Variants in VPS13C observed in about 807,000 individuals in gnomAD.
VPS13C encodes intermembrane lipid transfer protein VPS13C.
A neutral mutation model predicts 456.8 loss-of-function variants in VPS13C; 358 were observed. The observed-to-expected ratio is 0.78, with a 90% CI of 0.72 to 0.86. The LOEUF (loss-of-function observed/expected upper bound fraction) is 0.86, where lower values mean the gene tolerates loss of function less well. VPS13C is among the 40% of genes least tolerant of loss of function. The pLI, the probability that VPS13C is intolerant of heterozygous loss-of-function variation, is 0.00. For missense variants in VPS13C, 4,818 were observed against 4,385.4 expected (o/e 1.10, Z -2.79); for synonymous variants, 1,578 against 1,486.7 (o/e 1.06, Z -1.41).
intron 37 of VPS13C, among the ~76,000 whole-genome samples, chr15:61,955,220 T>C (rs1457309439): frequency 6.6e-6 from 1 of 152,142 alleles, no homozygotes; most frequent in Admixed American, 6.6e-5. Flanking sequence ...TGTTCTAAGG[T>C]CTGTATATGG....
At chr15:61,991,888 CTT>C (rs201011173) in intron 16 of VPS13C, 86 bp from the exon 17 acceptor site, 11,530 of 1,043,990 alleles carry the variant, frequency 0.011, 2 homozygotes, top group East Asian at 0.029. Context: ...AACAATGGTT[CTT>C]TTTTTTTTTT....
At chr15:61,912,720 C>T (rs1473713234) in intron 62 of VPS13C, among the ~76,000 whole-genome samples, 2 of 151,126 alleles carry the variant, frequency 1.3e-5, no homozygotes, top group East Asian at 3.9e-4. Flanking sequence ...TATACATGTA[C>T]CATGCTGGTG....
intron 35 of VPS13C, among the ~76,000 whole-genome samples, chr15:61,960,293 A>G (rs2045151391): frequency 6.6e-6 from 1 of 152,192 alleles, no homozygotes; most frequent in Non-Finnish European, 1.5e-5. Flanking sequence ...ATAAAAAGAC[A>G]AAGAAAAGCT....
At chr15:61,918,292 G>T in intron 58 of VPS13C, 35 bp from the exon 59 acceptor site, 1 of 1,492,216 alleles carries the variant, frequency 6.7e-7, no homozygotes, top group Non-Finnish European at 8.9e-7. Flanking sequence ...TTTTTTAAAA[G>T]ATATGTAAGT....
rs1351867509 is a variant in VPS13C at position 61,940,695 on chromosome 15, A to G, written c.5553T>C (p.Tyr1851=). ...SIQRNLAAAW[Y]VQIPGMEIKG... The stretch of plus-strand genomic sequence containing the variant: ...TTATCTCCATCCCTGGAATTTGCAC[A>G]TACCATGCTGCTGCTAAGTTTCGCT... The change falls in exon 47 of 85, where the codon TAT becomes TAC. Residue 1851 remains tyrosine, a synonymous_variant. Transcript: ENST00000644861. 4 of 1,613,678 alleles carry G rather than the reference A, an allele frequency of 2.5e-6. No homozygotes were observed. Among genetic ancestry groups the G allele is most frequent in the South Asian group, 1.1e-5 (1 of 90,992 alleles).
intron 31 of VPS13C, 127 bp downstream of exon 31, chr15:61,964,572 A>T: frequency 2.2e-6 from 2 of 895,666 alleles, no homozygotes; most frequent in Non-Finnish European, 3.3e-6. Context: ...GCTCGCATAT[A>T]ATTTAATTTG....
intron 25 of VPS13C, 41 bp from the exon 26 acceptor site, chr15:61,973,573 T>C (rs1385228949): frequency 2.7e-6 from 4 of 1,466,120 alleles, no homozygotes; most frequent in Admixed American, 1.7e-5. Flanking sequence ...AAGGATGACT[T>C]AGCAGGATTA....
At chr15:61,978,282 T>C (rs76504337) in intron 23 of VPS13C, among the ~76,000 whole-genome samples, 1,682 of 152,110 alleles carry the variant, frequency 0.011, 41 homozygotes, top group African/African-American at 0.039. Context: ...AAAATAATAT[T>C]GAGTCATCCC....
rs1230700691 is a variant in VPS13C at position 62,006,712 on chromosome 15, A to G, written c.1290+596T>C. On this transcript the variant is annotated intron_variant, in intron 15 of 84. Coordinates refer to ENST00000644861, the MANE Select transcript of VPS13C (RefSeq NM_020821.3). ...TCCACAATGGTTGAACTAGTTTACA[A>G]TCCCACCAACAGTGTAAAAGTGTTC... 1.5e-4 allele frequency among the ~76,000 whole-genome samples: 23 copies of G among 152,100 alleles called. No homozygotes were observed. The South Asian group carries it at 2.5e-3, about 17-fold the overall frequency.
chr15:61,911,690 AT>A, intron 63 of VPS13C, 149 bp downstream of exon 63: 3 of 807,010 alleles, frequency 3.7e-6, no homozygotes, highest in Non-Finnish European at 3.5e-6. Context: ...TTTTTTAAAA[AT>A]ATAGTAAGAG....
chr15:62,053,583 T>G (rs1230202338), intron 1 of VPS13C, among the ~76,000 whole-genome samples: 1 of 152,220 alleles, frequency 6.6e-6, no homozygotes, highest in South Asian at 2.1e-4. Flanking sequence ...ACGTTGTTCT[T>G]GCCTTGCTCA....
At chr15:61,999,011 T>A (rs1379955969) in intron 16 of VPS13C, among the ~76,000 whole-genome samples, 1 of 152,250 alleles carries the variant, frequency 6.6e-6, no homozygotes, top group Non-Finnish European at 1.5e-5. Context: ...TAAAAATATG[T>A]GTTAATCAAC....
At chr15:62,027,161 A>C (rs2047667806) in intron 6 of VPS13C, among the ~76,000 whole-genome samples, 1 of 152,078 alleles carries the variant, frequency 6.6e-6, no homozygotes, top group Non-Finnish European at 1.5e-5. Context: ...AGCTGAATGA[A>C]GATATCATCA....
At chr15:61,971,685 C>T (rs2045561579) in intron 27 of VPS13C, among the ~76,000 whole-genome samples, 1 of 152,134 alleles carries the variant, frequency 6.6e-6, no homozygotes, top group Non-Finnish European at 1.5e-5. Context: ...TTAGACAGTA[C>T]AGTAGCAGCA....
intron 18 of VPS13C, 113 bp downstream of exon 18, chr15:61,990,887 G>A: frequency 1.5e-6 from 1 of 682,602 alleles, no homozygotes; most frequent in Non-Finnish European, 2.5e-6. Context: ...CCATTAAGTA[G>A]CAGAGTGGAA....
chr15:61,961,314 C>T (rs1277230233), intron 35 of VPS13C, among the ~76,000 whole-genome samples: 1 of 151,260 alleles, frequency 6.6e-6, no homozygotes, highest in Admixed American at 6.6e-5. Context: ...ATTGCTTGAA[C>T]CCAGGAGGCA....
intron 13 of VPS13C, among the ~76,000 whole-genome samples, chr15:62,009,820 C>T (rs2046980629): frequency 6.6e-6 from 1 of 152,082 alleles, no homozygotes; most frequent in African/African-American, 2.4e-5. Flanking sequence ...CATAGCTGTT[C>T]TAAAAATTAA....
At position 61,853,739 on chromosome 15, in the gene VPS13C, G is replaced by A. The variant is rs1400923306; in HGVS notation, c.*718C>T. ...ATGTCAGGATCCAACATTTGTTCAT[G>A]GGTTAAAGCCTTTTGGCGGGCCGTG... On this transcript the variant is annotated 3_prime_UTR_variant, in exon 85 of 85. Coordinates refer to ENST00000644861, the MANE Select transcript of VPS13C (RefSeq NM_020821.3). 1 of 152,044 alleles carries A rather than the reference G, an allele frequency of 6.6e-6. No homozygotes were observed. The highest frequency in any genetic ancestry group is 1.5e-5 in the Non-Finnish European group (1 of 67,988). The allele number at this position is 152,044 out of a possible 1,614,324, so 9.4% of individuals were successfully genotyped here.
At chr15:61,996,782 T>C (rs536259130) in intron 16 of VPS13C, among the ~76,000 whole-genome samples, 6 of 149,954 alleles carry the variant, frequency 4.0e-5, no homozygotes, top group African/African-American at 9.8e-5. Context: ...AACTTGAAGA[T>C]AGATCAACAG....
Sources: gnomAD v4.1 joint callset for allele counts (sites outside exome capture counted in the v4.1 genomes callset) on GRCh38, gnomAD v4.1.1 for gene constraint, MANE v1.5 for transcripts, NCBI Gene and HGNC (gene_info 2026-07-23, HGNC 2026-07-21) for gene names.